The following THSD7B variants were observed in gnomAD, a reference collection of about 807,000 sequenced individuals.
THSD7B encodes the protein thrombospondin type-1 domain-containing protein 7B.
THSD7B carries 138 observed loss-of-function variants against 213.6 expected under a neutral mutation model. The observed-to-expected ratio is 0.65, with a 90% CI of 0.56 to 0.74. The LOEUF (loss-of-function observed/expected upper bound fraction) is 0.74, where lower values mean the gene tolerates loss of function less well. Among genes scored for constraint, THSD7B ranks in the 30% least tolerant of loss-of-function variants. The pLI, the probability that THSD7B is intolerant of heterozygous loss-of-function variation, is 0.00. For synonymous variants in THSD7B, 742 were observed against 687.0 expected (o/e 1.08, Z -1.25); for missense variants, 1,931 against 1,991.5 (o/e 0.97, Z 0.58).
At chr2:137,083,245 A>ATTT (rs1687779988) in intron 3 of THSD7B, among the ~76,000 whole-genome samples, 1 of 152,096 alleles carries the variant, frequency 6.6e-6, no homozygotes, top group Non-Finnish European at 1.5e-5. Flanking sequence ...ATCAAATAAC[A>ATTT]CCTAAGTTAC....
chr2:137,309,618 C>G (rs1683842633), intron 12 of THSD7B, among the ~76,000 whole-genome samples: 1 of 152,064 alleles, frequency 6.6e-6, no homozygotes, highest in Non-Finnish European at 1.5e-5. Flanking sequence ...ACCTCGTCAT[C>G]TAGCATTAGG....
intron 3 of THSD7B, among the ~76,000 whole-genome samples, chr2:137,084,737 G>A (rs1236262827): frequency 1.3e-5 from 2 of 152,162 alleles, no homozygotes; most frequent in African/African-American, 4.8e-5. Context: ...TCTTCACTTA[G>A]AACATTGTCC....
intron 16 of THSD7B, among the ~76,000 whole-genome samples, chr2:137,568,318 G>A (rs1681283328): frequency 6.6e-6 from 1 of 152,044 alleles, no homozygotes; most frequent in Non-Finnish European, 1.5e-5. Flanking sequence ...AGATGGGCAA[G>A]GAAATTGATG....
chr2:136,818,905 C>G (rs1254498906), intron 1 of THSD7B, among the ~76,000 whole-genome samples: 2 of 151,998 alleles, frequency 1.3e-5, no homozygotes, highest in East Asian at 3.9e-4. Context: ...TAGGTGCTAT[C>G]AGACTTTTAT....
intron 2 of THSD7B, among the ~76,000 whole-genome samples, chr2:136,943,137 T>A (rs904908557): frequency 6.6e-6 from 1 of 152,210 alleles, no homozygotes; most frequent in African/African-American, 2.4e-5. Flanking sequence ...ACTGAGATAA[T>A]CATGTGGTTT....
intron 17 of THSD7B, among the ~76,000 whole-genome samples, chr2:137,578,480 C>G (rs1190371019): frequency 6.6e-6 from 1 of 152,176 alleles, no homozygotes; most frequent in African/African-American, 2.4e-5. Flanking sequence ...GCTCTGAGAC[C>G]ATTTGTTAAT....
intron 15 of THSD7B, among the ~76,000 whole-genome samples, chr2:137,451,317 GAT>G (rs1404062043): frequency 6.6e-6 from 1 of 151,120 alleles, no homozygotes; most frequent in East Asian, 1.9e-4. Context: ...TTAAAAGTTG[GAT>G]ATATATATGT....
chr2:137,591,389 C>T (rs74395827), intron 17 of THSD7B, among the ~76,000 whole-genome samples: 20,042 of 151,798 alleles, frequency 0.13, 1,509 homozygotes, highest in South Asian at 0.22. Context: ...TTCTCATTTT[C>T]ATTATGTCTA....
At chr2:136,840,248 G>T (rs750797481) in intron 1 of THSD7B, among the ~76,000 whole-genome samples, 2 of 151,952 alleles carry the variant, frequency 1.3e-5, no homozygotes, top group African/African-American at 4.8e-5. Context: ...GAGTGGTGGT[G>T]CATGCCTGTA....
chr2:136,977,801 G>GTTTTT (rs56053958), intron 2 of THSD7B, among the ~76,000 whole-genome samples: 18 of 105,968 alleles, frequency 1.7e-4, no homozygotes, highest in African/African-American at 9.4e-4. Flanking sequence ...TCTTTTCTTT[G>GTTTTT]TTTTTTTTTT....
Position 137,170,779 on chromosome 2 carries a change from A to G in THSD7B, c.1564A>G (p.Thr522Ala). ...TRQRHVLMES[T>A]GPAGHCPHLV... Reference sequence around the variant, plus strand: ...GCAGCGCCATGTCCTCATGGAATCTACAGGGCCTGCAGGGCATTGCCCTCA... The same window carrying G: ...GCAGCGCCATGTCCTCATGGAATCTGCAGGGCCTGCAGGGCATTGCCCTCA... Residue 522 changes from threonine (T) to alanine (A), a missense_variant, in exon 7 of 28, where the codon ACA (threonine) becomes GCA (alanine). Transcript: ENST00000409968. 6.2e-7 allele frequency: 1 copy of G among 1,613,672 alleles called. No individual in the cohort carries two copies. Among genetic ancestry groups the G allele is most frequent in the Non-Finnish European group, 8.5e-7 (1 of 1,179,726 alleles).
chr2:137,173,075 T>C (rs1031064608), intron 7 of THSD7B, among the ~76,000 whole-genome samples: 2 of 152,192 alleles, frequency 1.3e-5, no homozygotes, highest in African/African-American at 4.8e-5. Context: ...AACCTCCCTC[T>C]CACTCTTAAG....
At chr2:136,979,866 C>T (rs975154713) in intron 2 of THSD7B, among the ~76,000 whole-genome samples, 1 of 152,028 alleles carries the variant, frequency 6.6e-6, no homozygotes, top group Non-Finnish European at 1.5e-5. Context: ...TAATTTTCAG[C>T]GTGTTTGCAT....
chr2:137,095,329 T>G (rs2104919284), intron 4 of THSD7B, among the ~76,000 whole-genome samples: 1 of 152,330 alleles, frequency 6.6e-6, no homozygotes, highest in South Asian at 2.1e-4. Flanking sequence ...TGTGACTTTC[T>G]AATTATACAA....
intron 16 of THSD7B, among the ~76,000 whole-genome samples, chr2:137,566,357 T>C (rs564952891): frequency 1.2e-4 from 18 of 152,298 alleles, no homozygotes; most frequent in African/African-American, 4.1e-4. Context: ...GGAAAGTTTA[T>C]TGTAAGTCTG....
At chr2:136,836,245 A>T (rs997994383) in intron 1 of THSD7B, among the ~76,000 whole-genome samples, 1 of 152,308 alleles carries the variant, frequency 6.6e-6, no homozygotes, top group East Asian at 1.9e-4. Flanking sequence ...GCACATGAAA[A>T]TGTCACTAAT....
At chr2:137,305,708 AC>A (rs1366230025) in intron 12 of THSD7B, among the ~76,000 whole-genome samples, 2 of 152,032 alleles carry the variant, frequency 1.3e-5, no homozygotes, top group Non-Finnish European at 2.9e-5. Flanking sequence ...CTCCCTTGTG[AC>A]CCTCTCTAAG....
intron 3 of THSD7B, among the ~76,000 whole-genome samples, chr2:137,063,403 G>C (rs1322824858): frequency 6.6e-6 from 1 of 151,346 alleles, no homozygotes; most frequent in Non-Finnish European, 1.5e-5. Flanking sequence ...GCTGTTGTAG[G>C]TGCATAGTAG....
At chr2:137,548,216 G>T (rs1680778258) in intron 15 of THSD7B, among the ~76,000 whole-genome samples, 1 of 152,096 alleles carries the variant, frequency 6.6e-6, no homozygotes, top group South Asian at 2.1e-4. Flanking sequence ...TCCTCACAAC[G>T]ATGTTGGTGA....
Sources: allele counts gnomAD v4.1 joint callset (sites outside exome capture counted in the v4.1 genomes callset), GRCh38; gene constraint gnomAD v4.1.1; transcripts MANE v1.5; gene names NCBI Gene and HGNC (gene_info 2026-07-23, HGNC 2026-07-21).